The following PLPPR1 variants were observed in gnomAD, a reference collection of about 807,000 sequenced individuals.
PLPPR1 encodes phospholipid phosphatase-related protein type 1.
PLPPR1 carries 10 observed loss-of-function variants against 33.1 expected under a neutral mutation model. The ratio of observed to expected loss-of-function variants is 0.30; its 90% CI spans 0.19 to 0.51. The LOEUF (loss-of-function observed/expected upper bound fraction) is 0.51, where lower values mean the gene tolerates loss of function less well. PLPPR1 is among the 20% of genes least tolerant of loss of function. PLPPR1 has a pLI of 0.97. For synonymous variants in PLPPR1, 151 were observed against 151.0 expected, an observed-to-expected ratio of 1.00 and a Z score of 0.00; for missense variants, 304 against 408.1, an observed-to-expected ratio of 0.74 and a Z score of 2.20.
chr9:101,319,882 T>TC (rs1302823579), intron 7 of PLPPR1, among the ~76,000 whole-genome samples: 1 of 152,120 alleles, frequency 6.6e-6, no homozygotes. Flanking sequence ...GTAAATGCTA[T>TC]CCCCCGAATA....
intron 1 of PLPPR1, among the ~76,000 whole-genome samples, chr9:101,133,564 A>G (rs981906062): frequency 1.2e-4 from 18 of 152,236 alleles, no homozygotes; most frequent in African/African-American, 4.3e-4. Context: ...TTACATGGCT[A>G]GTTTTAGGCG....
At chr9:101,229,229 C>T (rs1827134352) in intron 2 of PLPPR1, among the ~76,000 whole-genome samples, 1 of 152,168 alleles carries the variant, frequency 6.6e-6, no homozygotes, top group East Asian at 1.9e-4. Context: ...AAAAGAAAAA[C>T]AGTGCAGTGT....
chr9:101,139,405 T>G lies in PLPPR1; in HGVS notation c.-45-46045T>G, dbSNP rs540856975. ...TGAAGGAGAGAGAGAATCTGACTAG[T>G]TGGTCCTCAGAAACTGGGCTTACAG... On this transcript the variant is annotated intron_variant, in intron 1 of 7. Transcript: ENST00000374874. Among the ~76,000 whole-genome samples, 3 of 152,294 alleles carry G rather than the reference T, an allele frequency of 2.0e-5. No homozygotes were observed. In the South Asian group the frequency reaches 6.2e-4, roughly 32 times the overall value.
rs149729599 is a variant in PLPPR1, at chr9:101,234,160, T to C, written c.64-35720T>C. The stretch of plus-strand genomic sequence containing the variant: ...CTTAGTTTGTGTGACTTCTCTGTCA[T>C]TCAAGTTCTTATCCTTTTCCACGTG... On this transcript the variant is annotated intron_variant, in intron 2 of 7. Transcript: ENST00000374874. Among the ~76,000 whole-genome samples the C allele has an allele frequency of 2.0e-5, 3 of 151,996 alleles. No individual in the cohort carries two copies. The South Asian group carries it at 6.2e-4, about 32-fold the overall frequency.
chr9:101,239,005 T>G (rs1459788436), intron 2 of PLPPR1, among the ~76,000 whole-genome samples: 1 of 151,518 alleles, frequency 6.6e-6, no homozygotes, highest in Non-Finnish European at 1.5e-5. Context: ...TGTGCCTGAC[T>G]TAACATAATA....
At chr9:101,286,712 T>C (rs918285352) in intron 4 of PLPPR1, among the ~76,000 whole-genome samples, 5 of 152,182 alleles carry the variant, frequency 3.3e-5, no homozygotes, top group African/African-American at 1.2e-4. Context: ...CAAATACTTT[T>C]ATTAGTGTTC....
At chr9:101,209,960 T>A (rs1469843884) in intron 2 of PLPPR1, among the ~76,000 whole-genome samples, 1 of 152,230 alleles carries the variant, frequency 6.6e-6, no homozygotes, top group Admixed American at 6.5e-5. Context: ...AATAATGTTG[T>A]CTTAGATGTG....
At chr9:101,261,764 C>A (rs1308669220) in intron 2 of PLPPR1, among the ~76,000 whole-genome samples, 1 of 152,088 alleles carries the variant, frequency 6.6e-6, no homozygotes, top group African/African-American at 2.4e-5. Context: ...CCAAATACTG[C>A]ATGTTCTGAC....
chr9:101,038,785 A>G (rs949450024), intron 1 of PLPPR1, among the ~76,000 whole-genome samples: 2 of 152,166 alleles, frequency 1.3e-5, no homozygotes, highest in Non-Finnish European at 1.5e-5. Context: ...AAATGGCTGC[A>G]GAGATTGCGT....
intron 1 of PLPPR1, among the ~76,000 whole-genome samples, chr9:101,144,312 A>G (rs982398294): frequency 1.3e-5 from 2 of 152,174 alleles, no homozygotes; most frequent in Non-Finnish European, 2.9e-5. Context: ...TCCCTAATGT[A>G]AATGACGAAT....
At position 101,298,463 on chromosome 9, in the gene PLPPR1, GT is replaced by G. The variant is rs148589889; in HGVS notation, c.386-10744del. On this transcript the variant is annotated intron_variant, in intron 4 of 7. Coordinates refer to ENST00000374874, the MANE Select transcript of PLPPR1 (RefSeq NM_207299.2). ...GTTTCAAAGGTCATGGCGTTTTATG[GT>G]TTTAAGAATTGATACCCTGGGACGA... 2.7e-3 allele frequency among the ~76,000 whole-genome samples: 417 copies of G among 152,266 alleles called. 3 individuals are homozygous for G. Among genetic ancestry groups the G allele is most frequent in the African/African-American group, 9.8e-3 (406 of 41,548 alleles).
At chr9:101,220,401 G>T (rs1171092949) in intron 2 of PLPPR1, among the ~76,000 whole-genome samples, 1 of 152,188 alleles carries the variant, frequency 6.6e-6, no homozygotes, top group African/African-American at 2.4e-5. Flanking sequence ...GCCCTGCCAA[G>T]TGTTACACAG....
intron 1 of PLPPR1, among the ~76,000 whole-genome samples, chr9:101,042,921 T>A (rs139391546): frequency 4.3e-4 from 65 of 152,292 alleles, no homozygotes; most frequent in African/African-American, 1.5e-3. Flanking sequence ...GCTTTCCCTT[T>A]GCATTTTTTT....
intron 1 of PLPPR1, among the ~76,000 whole-genome samples, chr9:101,092,592 G>A (rs1830759083): frequency 6.6e-6 from 1 of 152,092 alleles, no homozygotes; most frequent in South Asian, 2.1e-4. Flanking sequence ...ATTTCCAGGG[G>A]CCCTTACTCC....
At chr9:101,187,633 C>G (rs114922612) in intron 2 of PLPPR1, 1 of 151,856 alleles carries the variant, frequency 6.6e-6, no homozygotes, top group South Asian at 2.1e-4. Context: ...TTTCATTCAC[C>G]AAACACTTAT....
chr9:101,161,326 G>C (rs1244757463), intron 1 of PLPPR1, among the ~76,000 whole-genome samples: 1 of 152,134 alleles, frequency 6.6e-6, no homozygotes, highest in African/African-American at 2.4e-5. Context: ...AAAGAATTGG[G>C]TTATGGGGTA....
chr9:101,182,155 C>A (rs1826125500), intron 1 of PLPPR1, among the ~76,000 whole-genome samples: 1 of 151,394 alleles, frequency 6.6e-6, no homozygotes, highest in South Asian at 2.1e-4. Flanking sequence ...AAGACAAATA[C>A]CGTATGATTT....
At chr9:101,123,115 C>T (rs1026912926) in intron 1 of PLPPR1, among the ~76,000 whole-genome samples, 1 of 152,174 alleles carries the variant, frequency 6.6e-6, no homozygotes, top group Non-Finnish European at 1.5e-5. Context: ...ATCAATATAT[C>T]TCTATATTTT....
intron 2 of PLPPR1, among the ~76,000 whole-genome samples, chr9:101,229,054 C>T (rs1827130724): frequency 6.6e-6 from 1 of 151,476 alleles, no homozygotes; most frequent in Non-Finnish European, 1.5e-5. Flanking sequence ...TCAAATTGGT[C>T]AGTTCTAAAC....
Sources: allele counts gnomAD v4.1 joint callset (sites outside exome capture counted in the v4.1 genomes callset), GRCh38; gene constraint gnomAD v4.1.1; transcripts MANE v1.5; gene names NCBI Gene and HGNC (gene_info 2026-07-23, HGNC 2026-07-21).